SNX25: variants seen among roughly 807,000 people sequenced by gnomAD.
SNX25 encodes sorting nexin 25.
SNX25 carries 62 observed loss-of-function variants against 113.7 expected under a neutral mutation model. That is an observed-to-expected ratio of 0.55 (90% CI 0.44 to 0.67). The LOEUF is 0.67. Ranked by LOEUF, SNX25 falls within the 30% of genes least tolerant of loss-of-function variation. SNX25 has a pLI of 0.00. For missense variants in SNX25, 1,014 were observed against 1,161.0 expected (o/e 0.87, Z 1.84); for synonymous variants, 421 against 436.2 (o/e 0.97, Z 0.43).
intron 6 of SNX25, among the ~76,000 whole-genome samples, chr4:185,295,153 A>G (rs1411468263): frequency 6.6e-6 from 1 of 152,182 alleles, no homozygotes; most frequent in East Asian, 1.9e-4. Flanking sequence ...ATAATTGTTG[A>G]GTTGTTTTTG....
At chr4:185,301,689 C>T (rs189639936) in intron 6 of SNX25, among the ~76,000 whole-genome samples, 33 of 150,158 alleles carry the variant, frequency 2.2e-4, no homozygotes, top group African/African-American at 7.1e-4. Flanking sequence ...TGGGTTCAAG[C>T]GATTCTTGTG....
chr4:185,272,381 T>G (rs112491292), intron 5 of SNX25, among the ~76,000 whole-genome samples: 32 of 152,172 alleles, frequency 2.1e-4, no homozygotes, highest in African/African-American at 7.5e-4. Context: ...AACATTACAG[T>G]AGAAATGAAA....
intron 9 of SNX25, among the ~76,000 whole-genome samples, chr4:185,329,681 C>CAGAGAG (rs111361928): frequency 1.2e-4 from 18 of 149,020 alleles, no homozygotes; most frequent in African/African-American, 3.7e-4. Flanking sequence ...AAGACAGACA[C>CAGAGAG]AGAGAGAGAG....
intron 10 of SNX25, among the ~76,000 whole-genome samples, chr4:185,333,517 A>T (rs6838019): frequency 6.6e-6 from 1 of 152,156 alleles, no homozygotes; most frequent in African/African-American, 2.4e-5. Flanking sequence ...GTAGGAGAAT[A>T]TTCCTGAAAC....
Position 185,221,898 on chromosome 4 carries a change from A to G in SNX25, c.429+11643A>G, listed in dbSNP as rs771969146. Among the ~76,000 whole-genome samples, 26 of 152,086 alleles carry G rather than the reference A, an allele frequency of 1.7e-4. 1 individual carries two copies. Among genetic ancestry groups the G allele is most frequent in the Admixed American group, 2.0e-4 (3 of 15,264 alleles). ...AAGCTTTTCCTATCTTTCAACTTACATATTCTTATAGCACCATATACTTCT... is the reference window on the plus strand; with the variant it reads ...AAGCTTTTCCTATCTTTCAACTTACGTATTCTTATAGCACCATATACTTCT... On this transcript the variant is annotated intron_variant, in intron 1 of 18. Transcript: ENST00000652585.
chr4:185,267,055 A>G lies in SNX25; in HGVS notation c.991A>G (p.Asn331Asp), dbSNP rs746798245. 1.2e-6 allele frequency: 2 copies of G among 1,613,954 alleles called. No homozygotes were observed. The highest frequency in any genetic ancestry group is 1.7e-6 in the Non-Finnish European group (2 of 1,179,992). ...CCAGCTGGCGTACAGAGAGCAAATG[A>G]ATGAGCATCACAAGAGAGCCTACAC... ...LAQLAYREQM[N>D]EHHKRAYTYA... The change falls in exon 5 of 19, where the codon AAT becomes GAT. Residue 331 changes from asparagine (N) to aspartate (D), a missense_variant. Physicochemically the swap from Asn to Asp is conservative, Grantham distance 23. Coordinates refer to ENST00000652585, the MANE Select transcript of SNX25 (RefSeq NM_001378034.2).
the SNX25 span, among the ~76,000 whole-genome samples, chr4:185,375,374 C>T: frequency 7.1e-5 from 10 of 140,648 alleles, no homozygotes; most frequent in Non-Finnish European, 1.1e-4. Context: ...AAGAATCACT[C>T]GAACCCGGGA....
intron 4 of SNX25, among the ~76,000 whole-genome samples, chr4:185,266,367 T>A (rs1254788448): frequency 6.6e-6 from 1 of 152,130 alleles, no homozygotes; most frequent in Non-Finnish European, 1.5e-5. Context: ...ATTTTGTGGT[T>A]TTTTGTTTTT....
At chr4:185,233,113 G>A (rs554247790) in intron 1 of SNX25, among the ~76,000 whole-genome samples, 4 of 152,138 alleles carry the variant, frequency 2.6e-5, no homozygotes, top group African/African-American at 9.6e-5. Flanking sequence ...GTGAAACCCC[G>A]TCTCTACTAA....
intron 5 of SNX25, among the ~76,000 whole-genome samples, chr4:185,272,798 C>T (rs1426102839): frequency 1.3e-5 from 2 of 152,188 alleles, no homozygotes; most frequent in South Asian, 2.1e-4. Flanking sequence ...ATTGACTGAT[C>T]GGGATACCTC....
intron 1 of SNX25, among the ~76,000 whole-genome samples, chr4:185,213,052 G>T (rs1579302213): frequency 6.6e-6 from 1 of 152,224 alleles, no homozygotes; most frequent in Non-Finnish European, 1.5e-5. Flanking sequence ...AAAAGGGAAA[G>T]GGTGTTTTTA....
rs1561048873 is a variant in SNX25, at chr4:185,353,474, T to C, written c.2467-11T>C. The C allele has an allele frequency of 6.2e-7, 1 of 1,601,994 alleles. No individual in the cohort carries two copies. The highest frequency in any genetic ancestry group is 8.6e-7 in the Non-Finnish European group (1 of 1,169,308). ...AGTTATCTGCTTCCTATGACTTTGC[T>C]GTATTCCCAGGAGGAGACAGAGGAG... On this transcript the variant is annotated splice_polypyrimidine_tract_variant and intron_variant, in intron 14 of 18. Coordinates refer to ENST00000652585, the MANE Select transcript of SNX25 (RefSeq NM_001378034.2).
At chr4:185,234,049 G>A (rs1387794340) in intron 1 of SNX25, among the ~76,000 whole-genome samples, 2 of 151,942 alleles carry the variant, frequency 1.3e-5, no homozygotes, top group Non-Finnish European at 2.9e-5. Context: ...TAGTAGAGAC[G>A]GGGTTTCACC....
chr4:185,372,058 C>G (rs748384045), downstream of SNX25, among the ~76,000 whole-genome samples: 3 of 152,100 alleles, frequency 2.0e-5, no homozygotes, highest in African/African-American at 4.8e-5. Context: ...CGAGAAAAGA[C>G]GTCTTTTATA....
intron 9 of SNX25, among the ~76,000 whole-genome samples, chr4:185,328,950 G>C (rs562613875): frequency 4.7e-4 from 71 of 152,222 alleles, no homozygotes; most frequent in South Asian, 1.7e-3. Context: ...ATGAGAATAC[G>C]GAGGGGGTTC....
chr4:185,239,722 TTG>T (rs889383327), intron 1 of SNX25, among the ~76,000 whole-genome samples: 1 of 151,320 alleles, frequency 6.6e-6, no homozygotes, highest in Non-Finnish European at 1.5e-5. Context: ...CGGTTTTTTT[TTG>T]TGTGTGTTTT....
intron 5 of SNX25, among the ~76,000 whole-genome samples, chr4:185,275,810 G>A (rs1161191146): frequency 6.6e-6 from 1 of 152,194 alleles, no homozygotes; most frequent in African/African-American, 2.4e-5. Context: ...GAAAAGGTTA[G>A]TTGTGGGTGG....
At chr4:185,205,257 C>G (rs1400382381), upstream of SNX25, among the ~76,000 whole-genome samples, 1 of 152,176 alleles carries the variant, frequency 6.6e-6, no homozygotes, top group Non-Finnish European at 1.5e-5. Context: ...AGTTCAAGAC[C>G]AGCCTGACTA....
At position 185,320,871 on chromosome 4, in the gene SNX25, T is replaced by C. The variant is rs915996938; in HGVS notation, c.1476+7T>C. ...TTTAAAGAATGCTAACAAGGTAGTA[T>C]ATGTAGGCTGAAAGGAATATTAATC... On this transcript the variant is annotated splice_region_variant and intron_variant, in intron 8 of 18. Coordinates refer to ENST00000652585, the MANE Select transcript of SNX25 (RefSeq NM_001378034.2). The C allele has an allele frequency of 6.0e-5, 95 of 1,576,806 alleles. No homozygotes were observed. Among genetic ancestry groups the C allele is most frequent in the Middle Eastern group, 1.7e-4 (1 of 5,938 alleles).
Sources: gnomAD v4.1 joint callset for allele counts (sites outside exome capture counted in the v4.1 genomes callset) on GRCh38, gnomAD v4.1.1 for gene constraint, MANE v1.5 for transcripts, NCBI Gene and HGNC (gene_info 2026-07-23, HGNC 2026-07-21) for gene names.